The following SELENOO variants were observed in gnomAD, a reference collection of about 807,000 sequenced individuals.
SELENOO encodes protein adenylyltransferase SelO, mitochondrial.
SELENOO carries 74 observed loss-of-function variants against 58.7 expected under a neutral mutation model. That is an observed-to-expected ratio of 1.26 (90% CI 1.04 to 1.53). The LOEUF (loss-of-function observed/expected upper bound fraction) is 1.53, where lower values mean the gene tolerates loss of function less well. Ranked by LOEUF, SELENOO falls within the 40% of genes most tolerant of loss-of-function variation. SELENOO has a pLI of 0.00. For synonymous variants in SELENOO, 543 were observed against 453.2 expected, an observed-to-expected ratio of 1.20 and a Z score of -2.52; for missense variants, 1,149 against 970.0, an observed-to-expected ratio of 1.18 and a Z score of -2.45.
rs1470408632 is a variant in SELENOO, at chr22:50,206,581, G to A, written c.758+61G>A. The A allele has an allele frequency of 6.9e-6, 10 of 1,441,286 alleles. No individual in the cohort carries two copies. The Admixed American group carries it at 2.0e-4, about 29-fold the overall frequency. 89.3% of individuals were successfully genotyped at this position (1,441,286 alleles called of 1,614,324 possible). ...CTTGCTTAGAGTCCTAGGAGATTTG[G>A]GCCTGTGCTGCTAGGATTCTGGTAG... is the stretch of plus-strand genomic sequence containing the variant. On this transcript the variant is annotated intron_variant, in intron 2 of 8. Coordinates refer to ENST00000380903, the MANE Select transcript of SELENOO (RefSeq NM_031454.2).
Position 50,216,779 on chromosome 22 carries a change from G to T in SELENOO, c.1591G>T (p.Glu531Ter). ...GTRAGIAREL[E>*]RVEQQSRLEQ... ...CCGGGCAGGCATCGCCAGGGAGCTG[G>T]AGCGTGTGGAGCAGCAGTCTCGGCT... The change falls in exon 7 of 9, where the codon GAG becomes TAG. Residue 531 changes from glutamate (E) to a stop codon, truncating the protein, a stop_gained. Coordinates refer to ENST00000380903, the MANE Select transcript of SELENOO (RefSeq NM_031454.2). LOFTEE classifies it high-confidence loss of function. 2 of 1,609,028 alleles carry T rather than the reference G, an allele frequency of 1.2e-6. No homozygotes were observed. The highest frequency in any genetic ancestry group is 1.9e-4 in the Middle Eastern group (1 of 5,146).
At position 50,216,793 on chromosome 22, in the gene SELENOO, G is replaced by A; in HGVS notation, c.1605G>A (p.Gln535=). ...GIARELERVE[Q]QSRLEQLSAA... is the part of the protein sequence containing the mutation. ...CCAGGGAGCTGGAGCGTGTGGAGCAGCAGTCTCGGCTGGAGCAGCTGAGTG... is the reference window on the plus strand; with the variant it reads ...CCAGGGAGCTGGAGCGTGTGGAGCAACAGTCTCGGCTGGAGCAGCTGAGTG... Residue 535 remains glutamine (Q), a synonymous_variant, in exon 7 of 9, where the codon CAG becomes CAA. Transcript: ENST00000380903. 4 of 1,609,216 alleles carry A rather than the reference G, an allele frequency of 2.5e-6. No homozygotes were observed. The highest frequency in any genetic ancestry group is 3.4e-6 in the Non-Finnish European group (4 of 1,179,866).
chr22:50,217,477 C>A lies in SELENOO; in HGVS notation c.*108C>A. On this transcript the variant is annotated 3_prime_UTR_variant, in exon 9 of 9. Coordinates refer to ENST00000380903, the MANE Select transcript of SELENOO (RefSeq NM_031454.2). ...TATACACTGGGGGATTCTGCCCTGG[C>A]CCATGCACACCCGTCTTTCCATGAT... 1 of 1,305,334 alleles carries A rather than the reference C, an allele frequency of 7.7e-7. No individual in the cohort carries two copies. Among genetic ancestry groups the A allele is most frequent in the Non-Finnish European group, 1.1e-6 (1 of 946,960 alleles). The allele number at this position is 1,305,334 out of a possible 1,614,324, so 80.9% of individuals were successfully genotyped here.
At chr22:50,208,462 CT>C in intron 2 of SELENOO, 73 bp from the exon 3 acceptor site, 2 of 1,362,828 alleles carry the variant, frequency 1.5e-6, no homozygotes, top group East Asian at 2.4e-5. Flanking sequence ...ACAACAACGT[CT>C]TTTCCTTTTT....
chr22:50,210,762 T>C lies in SELENOO; in HGVS notation c.1202T>C (p.Leu401Pro), dbSNP rs1209610456. 1 of 1,613,728 alleles carries C rather than the reference T, an allele frequency of 6.2e-7. No individual in the cohort carries two copies. The highest frequency in any genetic ancestry group is 2.2e-5 in the East Asian group (1 of 44,880). ...CTGCAGCCGGAACTGCCCCTGGAGC[T>C]GGGGGAGGCCATCCTGGCCGAGGAG... The part of the protein sequence containing the change: ...EALQPELPLE[L>P]GEAILAEEFD... The change falls in exon 5 of 9, where the codon CTG (leucine) becomes CCG (proline). Residue 401 changes from leucine (L) to proline (P), a missense_variant. Leu to Pro is a moderately conservative substitution (Grantham distance 98, BLOSUM62 -3). Transcript: ENST00000380903.
At position 50,201,087 on chromosome 22, in the gene SELENOO, C is replaced by G. The variant is rs1442239778; in HGVS notation, c.51C>G (p.Leu17=). ...ALGASLAAAR[L]LPLGRCSPSP... ...GGGCTTCGCTCGCGGCTGCCCGACT[C>G]TTGCCCCTCGGTCGCTGTTCCCCGT... The change falls in exon 1 of 9, where the codon CTC becomes CTG. Residue 17 remains leucine, a synonymous_variant. Transcript: ENST00000380903. 2.9e-6 allele frequency: 4 copies of G among 1,367,694 alleles called. No homozygotes were observed. The highest frequency in any genetic ancestry group is 3.4e-5 in the South Asian group (2 of 58,936). The allele number at this position is 1,367,694 out of a possible 1,614,324, so 84.7% of individuals were successfully genotyped here.
At position 50,201,540 on chromosome 22, in the gene SELENOO, C is replaced by A. The variant is rs761228212; in HGVS notation, c.504C>A (p.Gly168=). The A allele has an allele frequency of 2.9e-6, 4 of 1,395,026 alleles. No individual in the cohort carries two copies. Among genetic ancestry groups the A allele is most frequent in the African/African-American group, 3.0e-5 (2 of 66,666 alleles). 86.4% of individuals were successfully genotyped at this position (1,395,026 alleles called of 1,614,324 possible). The change falls in exon 1 of 9, where the codon GGC becomes GGA. Residue 168 remains glycine, a synonymous_variant. Coordinates refer to ENST00000380903, the MANE Select transcript of SELENOO (RefSeq NM_031454.2). ...MYLGEVCTAT[G]ERWELQLKGA... ...TGGGCGAGGTGTGCACGGCGACCGGCGAGCGCTGGGAGCTGCAGCTCAAGG... is the reference window on the plus strand; with the variant it reads ...TGGGCGAGGTGTGCACGGCGACCGGAGAGCGCTGGGAGCTGCAGCTCAAGG...
At position 50,217,516 on chromosome 22, in the gene SELENOO, A is replaced by G. The variant is rs1214236919; in HGVS notation, c.*147A>G. ...TCTTTCCATGATGGCAGAGACATCCAGTCAGGACCTGACCCGTCTCTGTCT... is the reference window on the plus strand; with the variant it reads ...TCTTTCCATGATGGCAGAGACATCCGGTCAGGACCTGACCCGTCTCTGTCT... On this transcript the variant is annotated 3_prime_UTR_variant, in exon 9 of 9. Coordinates refer to ENST00000380903, the MANE Select transcript of SELENOO (RefSeq NM_031454.2). 3 of 1,119,678 alleles carry G rather than the reference A, an allele frequency of 2.7e-6. 1 individual carries two copies. In the Admixed American group the frequency reaches 8.2e-5, roughly 31 times the overall value. 69.4% of individuals were successfully genotyped at this position (1,119,678 alleles called of 1,614,324 possible).
intron 5 of SELENOO, among the ~76,000 whole-genome samples, chr22:50,214,117 A>G (rs5771238): frequency 0.081 from 12,277 of 152,016 alleles, 739 homozygotes; most frequent in East Asian, 0.33. Context: ...TGACTCTTTT[A>G]TCCATATATA....
intron 1 of SELENOO, among the ~76,000 whole-genome samples, chr22:50,202,394 G>A (rs998084267): frequency 2.0e-5 from 3 of 151,608 alleles, no homozygotes; most frequent in Non-Finnish European, 2.9e-5. Context: ...TCACTCCCCC[G>A]TCTCCAAATC....
intron 5 of SELENOO, among the ~76,000 whole-genome samples, chr22:50,213,122 A>G (rs75733390): frequency 6.6e-6 from 1 of 152,108 alleles, no homozygotes; most frequent in Admixed American, 6.5e-5. Context: ...GTGCAGTGGC[A>G]TGATCTTGGC....
rs1019771376 is a variant in SELENOO, at chr22:50,201,358, C to T, written c.322C>T (p.Leu108=). The change falls in exon 1 of 9, where the codon CTG becomes TTG. Residue 108 remains leucine (L), a synonymous_variant. Coordinates refer to ENST00000380903, the MANE Select transcript of SELENOO (RefSeq NM_031454.2). ...LSEPALALLG[L]GAPPAREAEA... is the part of the protein sequence containing the mutation. Reference sequence around the variant, plus strand: ...AGAGCCCGCGCTGGCGTTGCTGGGCCTGGGCGCGCCGCCCGCGCGCGAGGC... The same window carrying T: ...AGAGCCCGCGCTGGCGTTGCTGGGCTTGGGCGCGCCGCCCGCGCGCGAGGC... 4 of 1,199,992 alleles carry T rather than the reference C, an allele frequency of 3.3e-6. No homozygotes were observed. The highest frequency in any genetic ancestry group is 4.5e-5 in the Admixed American group (1 of 22,036). The allele number at this position is 1,199,992 out of a possible 1,614,324, so 74.3% of individuals were successfully genotyped here.
At position 50,210,912 on chromosome 22, in the gene SELENOO, G is replaced by T; in HGVS notation, c.1351+1G>T. ...CTCCTGGAGACCATGCATCTGACCG[G>T]TGAGTGACCCAGCCGTGCCCACAGC... is the stretch of plus-strand genomic sequence containing the variant. On this transcript the variant is annotated splice_donor_variant, in intron 5 of 8. Coordinates refer to ENST00000380903, the MANE Select transcript of SELENOO (RefSeq NM_031454.2). LOFTEE classifies it high-confidence loss of function. 6.2e-7 allele frequency: 1 copy of T among 1,613,984 alleles called. No homozygotes were observed. The highest frequency in any genetic ancestry group is 1.3e-5 in the African/African-American group (1 of 75,058).
chr22:50,212,865 C>A (rs866138590), intron 5 of SELENOO, among the ~76,000 whole-genome samples: 37 of 152,140 alleles, frequency 2.4e-4, no homozygotes, highest in South Asian at 6.2e-4. Context: ...TCCCTCTAAT[C>A]TTCGTGTAAG....
intron 1 of SELENOO, chr22:50,206,032 TCTG>T (rs1255647183): frequency 2.2e-5 from 11 of 507,600 alleles, no homozygotes; most frequent in African/African-American, 2.1e-4. Context: ...AGTCCTGGCT[TCTG>T]CTGCGGAACC....
chr22:50,202,083 C>G (rs1188243036), intron 1 of SELENOO, among the ~76,000 whole-genome samples: 1 of 152,158 alleles, frequency 6.6e-6, no homozygotes, highest in Non-Finnish European at 1.5e-5. Context: ...GGTCCAGATG[C>G]CGCCAGGCCC....
At chr22:50,214,624 G>A (rs1186999668) in intron 5 of SELENOO, among the ~76,000 whole-genome samples, 2 of 152,078 alleles carry the variant, frequency 1.3e-5, no homozygotes, top group African/African-American at 2.4e-5. Context: ...AATTAGCCAG[G>A]CATGGTGGCG....
Position 50,217,347 on chromosome 22 carries a change from T to C in SELENOO, c.1988T>C (p.Leu663Pro), listed in dbSNP as rs369572789. 3.7e-6 allele frequency: 6 copies of C among 1,612,764 alleles called. No individual in the cohort carries two copies. In the Admixed American group the frequency reaches 6.7e-5, roughly 18 times the overall value. Residue 663 changes from leucine (L) to proline (P), a missense_variant, in exon 9 of 9, where the codon CTG becomes CCG. Coordinates refer to ENST00000380903, the MANE Select transcript of SELENOO (RefSeq NM_031454.2). The part of the protein sequence containing the change: ...SSKPPLWAAE[L>P]CVTUSS ...AAGCCCCCGCTCTGGGCAGCAGAAC[T>C]GTGCGTGACATGATCTTCGTAACGG...
chr22:50,215,887 T>C lies in SELENOO; in HGVS notation c.1502+20T>C, dbSNP rs1423859329. ...TCCCCGGTGGGTACTCAGTTCCTAC[T>C]TCTTTGGATTTGTTTCCAGAAAAGG... On this transcript the variant is annotated intron_variant, in intron 6 of 8. Coordinates refer to ENST00000380903, the MANE Select transcript of SELENOO (RefSeq NM_031454.2). 7 of 1,571,564 alleles carry C rather than the reference T, an allele frequency of 4.5e-6. No homozygotes were observed.
Sources: gnomAD v4.1 joint callset for allele counts (sites outside exome capture counted in the v4.1 genomes callset) on GRCh38, gnomAD v4.1.1 for gene constraint, MANE v1.5 for transcripts, NCBI Gene and HGNC (gene_info 2026-07-23, HGNC 2026-07-21) for gene names.